The following COL4A3 variants were observed in gnomAD, a reference collection of about 807,000 sequenced individuals.
The protein encoded by COL4A3 is collagen type IV alpha 3 chain, also known as collagen alpha-3(IV) chain.
A neutral mutation model predicts 217.4 loss-of-function variants in COL4A3; 135 were observed. That is an observed-to-expected ratio of 0.62 (90% CI 0.54 to 0.72). COL4A3 has a LOEUF of 0.72. Among genes scored for constraint, COL4A3 ranks in the 30% least tolerant of loss-of-function variants. The pLI, the probability that COL4A3 is intolerant of heterozygous loss-of-function variation, is 0.00. For synonymous variants in COL4A3, 690 were observed against 736.3 expected (o/e 0.94, Z 1.02); for missense variants, 1,868 against 2,119.9 (o/e 0.88, Z 2.33).
intron 43 of COL4A3, among the ~76,000 whole-genome samples, chr2:227,299,893 T>C (rs1163299567): frequency 6.6e-6 from 1 of 152,236 alleles, no homozygotes; most frequent in Non-Finnish European, 1.5e-5. Context: ...AGAATCACTC[T>C]AAATGACATT....
chr2:227,220,570 C>T (rs2067738969), intron 1 of COL4A3, among the ~76,000 whole-genome samples: 2 of 152,140 alleles, frequency 1.3e-5, no homozygotes, highest in African/African-American at 4.8e-5. Context: ...AGCAATCCTC[C>T]CACCTCAGCC....
intron 1 of COL4A3, among the ~76,000 whole-genome samples, chr2:227,209,622 C>G (rs561849502): frequency 1.3e-5 from 2 of 152,160 alleles, no homozygotes; most frequent in African/African-American, 4.8e-5. Flanking sequence ...GGTAGATCAC[C>G]TGAAATCAGG....
At chr2:227,195,988 G>T (rs1329119052) in intron 1 of COL4A3, among the ~76,000 whole-genome samples, 1 of 151,994 alleles carries the variant, frequency 6.6e-6, no homozygotes, top group African/African-American at 2.4e-5. Context: ...TAAGGATAAA[G>T]AGAAAGAAAA....
rs1482051609 is a variant in COL4A3, at chr2:227,273,111, G to A, written c.1921G>A (p.Glu641Lys). 6.2e-7 allele frequency: 1 copy of A among 1,613,594 alleles called. No homozygotes were observed. Among genetic ancestry groups the A allele is most frequent in the East Asian group, 2.2e-5 (1 of 44,876 alleles). Residue 641 changes from glutamate (E) to lysine (K), a missense_variant, in exon 26 of 52, where the codon GAA becomes AAA. Around this residue, in one of 2 missense-constraint regions of COL4A3, gnomAD observed 1,503 missense variants for 1,786.1 expected, o/e 0.84. Coordinates refer to ENST00000396578, the MANE Select transcript of COL4A3 (RefSeq NM_000091.5). ...TCCTGGAGCCCCCGGACCACCCGGA[G>A]AAGCCGGTTGGTTAGTTTTCTTTCC... ...GVPGAPGPPG[E>K]AGPRGELSVS... is the part of the protein sequence containing the mutation.
rs1277449259 is a variant in COL4A3 at position 227,272,989 on chromosome 2, A to T, written c.1799A>T (p.Asp600Val). The change falls in exon 26 of 52, where the codon GAT (aspartate) becomes GTT (valine). Residue 600 changes from aspartate to valine, a missense_variant. Coordinates refer to ENST00000396578, the MANE Select transcript of COL4A3 (RefSeq NM_000091.5). Reference protein sequence around the residue: ...GEKGDQGPPGDPGSPGSPGPA... With the variant: ...GEKGDQGPPGVPGSPGSPGPA... ...AAAGGGGACCAAGGTCCTCCAGGGGATCCTGGCTCCCCTGGGTCCCCAGGA... is the reference window on the plus strand; with the variant it reads ...AAAGGGGACCAAGGTCCTCCAGGGGTTCCTGGCTCCCCTGGGTCCCCAGGA... The T allele has an allele frequency of 6.2e-7, 1 of 1,614,040 alleles. No individual in the cohort carries two copies. The highest frequency in any genetic ancestry group is 8.5e-7 in the Non-Finnish European group (1 of 1,179,992).
Position 227,164,874 on chromosome 2 carries a change from G to A in COL4A3, c.87+61G>A. ...TCCATCCCTCCTCCACGCGTCCGGG[G>A]GACGCGCTGGCCCCACCCGCAGCGG... On this transcript the variant is annotated intron_variant, in intron 1 of 51. Coordinates refer to ENST00000396578, the MANE Select transcript of COL4A3 (RefSeq NM_000091.5). The surrounding 1 kb of genome is among the most constrained non-coding windows in gnomAD (Gnocchi z 4.8). 7.0e-7 allele frequency: 1 copy of A among 1,423,900 alleles called. No homozygotes were observed. Among genetic ancestry groups the A allele is most frequent in the Non-Finnish European group, 9.1e-7 (1 of 1,095,164 alleles). 88.2% of individuals were successfully genotyped at this position (1,423,900 alleles called of 1,614,324 possible).
intron 48 of COL4A3, 131 bp downstream of exon 48, chr2:227,308,050 G>A: frequency 1.2e-6 from 1 of 833,738 alleles, no homozygotes; most frequent in East Asian, 2.6e-5. Flanking sequence ...TTTAAAGAGA[G>A]CAAATAAAAC....
At chr2:227,202,104 T>G (rs2066709222) in intron 1 of COL4A3, among the ~76,000 whole-genome samples, 1 of 152,206 alleles carries the variant, frequency 6.6e-6, no homozygotes, top group African/African-American at 2.4e-5. Flanking sequence ...TTCCAGAATA[T>G]ATTCTTGCTA....
chr2:227,310,999 C>A, intron 51 of COL4A3, 51 bp downstream of exon 51: 1 of 1,601,316 alleles, frequency 6.2e-7, no homozygotes, highest in South Asian at 1.1e-5. Context: ...CAGAACTATT[C>A]AAAGGTTGCC....
chr2:227,228,701 G>C (rs928718563), intron 1 of COL4A3: 3 of 152,180 alleles, frequency 2.0e-5, no homozygotes, highest in African/African-American at 7.2e-5. Flanking sequence ...TAATAAAAAT[G>C]CATGTGCATA....
chr2:227,302,996 T>A lies in COL4A3; in HGVS notation c.3883-42T>A, dbSNP rs1285128547. ...AAAACTGCTGTGAATTGAGTGATTT[T>A]AAAAATTTGTTTTGGTTCTGCTCCC... is the stretch of plus-strand genomic sequence containing the variant. On this transcript the variant is annotated intron_variant, in intron 43 of 51. Coordinates refer to ENST00000396578, the MANE Select transcript of COL4A3 (RefSeq NM_000091.5). 4.3e-6 allele frequency: 6 copies of A among 1,381,934 alleles called. No individual in the cohort carries two copies. The African/African-American group carries it at 7.1e-5, about 16-fold the overall frequency. 85.6% of individuals were successfully genotyped at this position (1,381,934 alleles called of 1,614,324 possible). A position where few individuals can be genotyped will look rare whatever the true frequency, so the allele number is the denominator to read the frequency against.
At chr2:227,218,144 G>C (rs1315404985) in intron 1 of COL4A3, among the ~76,000 whole-genome samples, 3 of 146,020 alleles carry the variant, frequency 2.1e-5, no homozygotes, top group Non-Finnish European at 3.0e-5. Flanking sequence ...CCTTTTTAAG[G>C]TTTTCCAAAT....
At chr2:227,235,899 G>A (rs2068668362) in intron 1 of COL4A3, among the ~76,000 whole-genome samples, 1 of 150,490 alleles carries the variant, frequency 6.6e-6, no homozygotes, top group Non-Finnish European at 1.5e-5. Flanking sequence ...TCAGCTTCCC[G>A]AGTAGCTGAG....
chr2:227,257,796 T>C (rs1217425431), intron 18 of COL4A3, 152 bp downstream of exon 18: 1 of 751,242 alleles, frequency 1.3e-6, no homozygotes, highest in South Asian at 1.5e-5. Context: ...AGCTGGTCAC[T>C]ATGTGTCCCT....
intron 36 of COL4A3, 52 bp from the exon 37 acceptor site, chr2:227,290,692 ACTT>A: frequency 6.3e-7 from 1 of 1,581,062 alleles, no homozygotes; most frequent in Non-Finnish European, 8.7e-7. Flanking sequence ...AAAGTAGAAA[ACTT>A]CAAGATCCTC....
intron 26 of COL4A3, among the ~76,000 whole-genome samples, chr2:227,275,245 A>G (rs1246383551): frequency 1.3e-5 from 2 of 151,960 alleles, no homozygotes; most frequent in Non-Finnish European, 2.9e-5. Flanking sequence ...CAGTGGCGTG[A>G]TCTCGGCTCA....
At chr2:227,288,367 G>A (rs1440360071) in intron 34 of COL4A3, among the ~76,000 whole-genome samples, 1 of 152,190 alleles carries the variant, frequency 6.6e-6, no homozygotes, top group Non-Finnish European at 1.5e-5. Context: ...AAAGTGCTGG[G>A]ATTACAGGCG....
At chr2:227,186,868 C>A (rs1030499021) in intron 1 of COL4A3, among the ~76,000 whole-genome samples, 3 of 152,166 alleles carry the variant, frequency 2.0e-5, no homozygotes, top group Non-Finnish European at 2.9e-5. Flanking sequence ...AATATCAAGG[C>A]ACTGGCAGAT....
intron 1 of COL4A3, among the ~76,000 whole-genome samples, chr2:227,187,431 G>A (rs934540852): frequency 6.6e-6 from 1 of 152,148 alleles, no homozygotes; most frequent in African/African-American, 2.4e-5. Context: ...GCAGGGATGA[G>A]CTGTGTATGA....
Sources: gnomAD v4.1 joint callset for allele counts (sites outside exome capture counted in the v4.1 genomes callset) on GRCh38, gnomAD v4.1.1 for gene constraint, gnomAD v4.1.1 regional missense constraint, Gnocchi (gnomAD v3.1) non-coding constraint, MANE v1.5 for transcripts, NCBI Gene and HGNC (gene_info 2026-07-23, HGNC 2026-07-21) for gene names.